The following ARHGEF4 variants were observed in gnomAD, a reference collection of about 807,000 sequenced individuals.
The protein encoded by ARHGEF4 is APC-stimulated guanine nucleotide exchange factor 1.
A neutral mutation model predicts 162.0 loss-of-function variants in ARHGEF4; 119 were observed. The ratio of observed to expected loss-of-function variants is 0.73; its 90% CI spans 0.63 to 0.86. ARHGEF4 has a LOEUF of 0.86. Among genes scored for constraint, ARHGEF4 ranks in the 40% least tolerant of loss-of-function variants. ARHGEF4 has a pLI of 0.00. For missense variants in ARHGEF4, 2,488 were observed against 2,456.0 expected, an observed-to-expected ratio of 1.01 and a Z score of -0.28; for synonymous variants, 1,014 against 979.9, an observed-to-expected ratio of 1.03 and a Z score of -0.65.
chr2:131,035,148 C>G, intron 5 of ARHGEF4: 2 of 1,207,562 alleles, frequency 1.7e-6, no homozygotes, highest in Non-Finnish European at 2.1e-6. Context: ...ACGCCCTGCG[C>G]GCCCTGCTGC....
At chr2:130,839,783 G>C (rs1373018345) in intron 1 of ARHGEF4, among the ~76,000 whole-genome samples, 1 of 152,190 alleles carries the variant, frequency 6.6e-6, no homozygotes, top group Non-Finnish European at 1.5e-5. Flanking sequence ...AAATGTTCCA[G>C]ACAGCTGGAC....
intron 1 of ARHGEF4, among the ~76,000 whole-genome samples, chr2:130,854,748 C>G (rs542368895): frequency 2.0e-5 from 3 of 152,316 alleles, no homozygotes; most frequent in African/African-American, 7.2e-5. Context: ...GGGATGTCAT[C>G]AGGAAAAGCA....
chr2:130,836,946 C>T lies in ARHGEF4; in HGVS notation c.-8C>T, dbSNP rs948473729. On this transcript the variant is annotated 5_prime_UTR_variant, in exon 1 of 14. Coordinates refer to ENST00000409359, the MANE Select transcript of ARHGEF4 (RefSeq NM_001367493.1). ...TGCGGCCGGGCTCCGGGCGTCCCGGCGGCCACCATGCTCAGCGTCGTGCAC... is the reference window on the plus strand; with the variant it reads ...TGCGGCCGGGCTCCGGGCGTCCCGGTGGCCACCATGCTCAGCGTCGTGCAC... 41 of 1,225,510 alleles carry T rather than the reference C, an allele frequency of 3.3e-5. No homozygotes were observed. Among genetic ancestry groups the T allele is most frequent in the African/African-American group, 2.7e-4 (17 of 64,120 alleles). 75.9% of individuals were successfully genotyped at this position (1,225,510 alleles called of 1,614,324 possible).
chr2:131,017,981 TA>T (rs1293457586), intron 4 of ARHGEF4, among the ~76,000 whole-genome samples: 1 of 152,096 alleles, frequency 6.6e-6, no homozygotes, highest in African/African-American at 2.4e-5. Flanking sequence ...CAGGAATAGC[TA>T]AAACAGGAGG....
chr2:130,839,748 CTT>C (rs1680477647), intron 1 of ARHGEF4, among the ~76,000 whole-genome samples: 1 of 152,156 alleles, frequency 6.6e-6, no homozygotes, highest in East Asian at 1.9e-4. Flanking sequence ...CCAAGCATGA[CTT>C]TTGATTTCGA....
chr2:131,045,555 G>T (rs761107344), intron 13 of ARHGEF4, 109 bp downstream of exon 13: 1 of 1,609,568 alleles, frequency 6.2e-7, no homozygotes, highest in African/African-American at 1.3e-5. Flanking sequence ...GGCCTGAGGG[G>T]GGCCCACTGC....
At chr2:130,999,680 A>G (rs1167992894) in intron 4 of ARHGEF4, among the ~76,000 whole-genome samples, 2 of 152,098 alleles carry the variant, frequency 1.3e-5, no homozygotes, top group African/African-American at 4.8e-5. Context: ...ATGATTTTAC[A>G]TGGCATGGTG....
In ARHGEF4 at chr2:130,840,071, C is replaced by T. The variant is rs181852665; in HGVS notation, c.39+3079C>T. Among the ~76,000 whole-genome samples, 54 of 152,172 alleles carry T rather than the reference C, an allele frequency of 3.5e-4. No individual in the cohort carries two copies. The East Asian group carries it at 5.6e-3, about 16-fold the overall frequency. The stretch of plus-strand genomic sequence containing the variant: ...CATGACAGGGAAGCCAACCTACTTC[C>T]GTGAATTCCTGAGTACTGCAGCAGG... On this transcript the variant is annotated intron_variant, in intron 1 of 13. Coordinates refer to ENST00000409359, the MANE Select transcript of ARHGEF4 (RefSeq NM_001367493.1).
At chr2:130,909,818 A>G (rs1378982731) in intron 1 of ARHGEF4, among the ~76,000 whole-genome samples, 1 of 151,928 alleles carries the variant, frequency 6.6e-6, no homozygotes, top group Non-Finnish European at 1.5e-5. Flanking sequence ...ATCACGGCCC[A>G]CTACACATTT....
At position 130,915,770 on chromosome 2, in the gene ARHGEF4, T is replaced by A; in HGVS notation, c.1824T>A (p.Pro608=). The change falls in exon 2 of 14, where the codon CCT becomes CCA. Residue 608 remains proline (P), a synonymous_variant. Coordinates refer to ENST00000409359, the MANE Select transcript of ARHGEF4 (RefSeq NM_001367493.1). ...GGGCTGAGGAGGGTGAACAGGGGCC[T>A]GGGGGTGCCGGGGGCCGGCAGCTGG... ...GPGAEEGEQG[P]GGAGGRQLEP... 6.5e-7 allele frequency: 1 copy of A among 1,531,096 alleles called. No individual in the cohort carries two copies. 94.8% of individuals were successfully genotyped at this position (1,531,096 alleles called of 1,614,324 possible).
chr2:131,020,418 C>G (rs1472016547), intron 4 of ARHGEF4, among the ~76,000 whole-genome samples: 2 of 147,908 alleles, frequency 1.4e-5, no homozygotes, highest in East Asian at 4.0e-4. Flanking sequence ...CAATTCCCAC[C>G]TATGAGTGAG....
chr2:130,951,173 A>G (rs759300051), intron 4 of ARHGEF4, among the ~76,000 whole-genome samples: 30 of 152,196 alleles, frequency 2.0e-4, no homozygotes, highest in Non-Finnish European at 2.6e-4. Context: ...TCCTATTGCA[A>G]TCAGGCTGTT....
rs754072566 is a variant in ARHGEF4 at position 130,916,746 on chromosome 2, T to TC, written c.2804dup (p.Ser936LysfsTer54). The stretch of plus-strand genomic sequence containing the variant: ...AGAGAAAGAGAACACCCATGAACGT[T>TC]CCCCAAGTTCTCCCAAGGGCGAGAA... On this transcript the variant is annotated frameshift_variant, in exon 2 of 14. Transcript: ENST00000409359. LOFTEE classifies it high-confidence loss of function. 6.4e-7 allele frequency: 1 copy of TC among 1,550,414 alleles called. No individual in the cohort carries two copies. The highest frequency in any genetic ancestry group is 1.4e-5 in the African/African-American group (1 of 72,990).
intron 4 of ARHGEF4, among the ~76,000 whole-genome samples, chr2:130,967,487 A>G (rs945676156): frequency 6.6e-6 from 1 of 151,778 alleles, no homozygotes; most frequent in Non-Finnish European, 1.5e-5. Flanking sequence ...GACAGTTTTC[A>G]TGTTCACCTC....
intron 3 of ARHGEF4, among the ~76,000 whole-genome samples, chr2:130,942,651 T>C (rs1381513233): frequency 1.3e-5 from 2 of 152,220 alleles, no homozygotes; most frequent in Non-Finnish European, 2.9e-5. Flanking sequence ...ATCACTGTTT[T>C]CAAAGCAGTC....
chr2:130,947,332 T>G (rs998053185), intron 4 of ARHGEF4: 5 of 152,232 alleles, frequency 3.3e-5, no homozygotes, highest in African/African-American at 1.2e-4. Flanking sequence ...AGGCAGAGGT[T>G]GTAGTGAGCT....
chr2:130,899,583 G>T (rs143549753), intron 1 of ARHGEF4, among the ~76,000 whole-genome samples: 15 of 152,336 alleles, frequency 9.8e-5, no homozygotes, highest in Admixed American at 9.8e-4. Context: ...ACACTGGAAG[G>T]CAGACGGGAG....
Position 131,028,213 on chromosome 2 carries a change from C to T in ARHGEF4, c.4125+129C>T, listed in dbSNP as rs938596648. On this transcript the variant is annotated intron_variant, in intron 5 of 13. Transcript: ENST00000409359. The stretch of plus-strand genomic sequence containing the variant: ...GGCTGCTGGTGGTGCTGGCCATACA[C>T]AGCGCAGTTTCAGCCTGCAGTCCTC... 12 of 1,342,932 alleles carry T rather than the reference C, an allele frequency of 8.9e-6. No individual in the cohort carries two copies. In the South Asian group the frequency reaches 1.4e-4, roughly 16 times the overall value. 83.2% of individuals were successfully genotyped at this position (1,342,932 alleles called of 1,614,324 possible).
chr2:130,946,748 TGA>T (rs1683648613), intron 4 of ARHGEF4, 113 bp downstream of exon 4: 2 of 1,467,630 alleles, frequency 1.4e-6, no homozygotes, highest in Non-Finnish European at 1.9e-6. Context: ...AGCTTGAAGG[TGA>T]GAGAGATAAA....
Sources: gnomAD v4.1 joint callset for allele counts (sites outside exome capture counted in the v4.1 genomes callset) on GRCh38, gnomAD v4.1.1 for gene constraint, MANE v1.5 for transcripts, NCBI Gene and HGNC (gene_info 2026-07-23, HGNC 2026-07-21) for gene names.